KANSL1L: variants seen among roughly 807,000 people sequenced by gnomAD.
KANSL1L encodes the protein KAT8 regulatory NSL complex subunit 1-like protein.
A neutral mutation model predicts 108.6 loss-of-function variants in KANSL1L; 25 were observed. That is an observed-to-expected ratio of 0.23 (90% CI 0.17 to 0.32). The LOEUF (loss-of-function observed/expected upper bound fraction) is 0.32. Ranked by LOEUF, KANSL1L falls within the 10% of genes least tolerant of loss-of-function variation. The probability of loss-of-function intolerance (pLI) is 1.00; values close to 1 mark genes in which losing one functional copy is unlikely to be tolerated. For synonymous variants in KANSL1L, 405 were observed against 395.1 expected, an observed-to-expected ratio of 1.03 and a Z score of -0.30; for missense variants, 1,137 against 1,125.7, an observed-to-expected ratio of 1.01 and a Z score of -0.14.
chr2:210,136,459 AT>A (rs1302292149), intron 2 of KANSL1L, among the ~76,000 whole-genome samples: 1 of 152,186 alleles, frequency 6.6e-6, no homozygotes, highest in African/African-American at 2.4e-5. Context: ...ATAAGGACAT[AT>A]TTTTAAAAGG....
chr2:210,141,008 G>A (rs1380402096), intron 2 of KANSL1L, among the ~76,000 whole-genome samples: 1 of 151,904 alleles, frequency 6.6e-6, no homozygotes, highest in Non-Finnish European at 1.5e-5. Flanking sequence ...ACATTGTTTT[G>A]ATGGGGTCTT....
chr2:210,131,360 G>A (rs11893116), intron 2 of KANSL1L, among the ~76,000 whole-genome samples: 2,561 of 152,206 alleles, frequency 0.017, 79 homozygotes, highest in African/African-American at 0.059. Context: ...AAGTTGATAG[G>A]ACTTGCAGAA....
chr2:210,154,000 A>G lies in KANSL1L; in HGVS notation c.583T>C (p.Cys195Arg). The part of the protein sequence containing the change: ...DAEIKKGLLH[C>R]TQKKIVPGHS... ...CCAGGTACAATTTTCTTTTGAGTAC[A>G]GTGCAATAAACCCTTTTTAATCTCA... The change falls in exon 2 of 15, where the codon TGT becomes CGT. Residue 195 changes from cysteine (C) to arginine (R), a missense_variant. Physicochemically the swap from Cys to Arg is radical, Grantham distance 180. Coordinates refer to ENST00000281772, the MANE Select transcript of KANSL1L (RefSeq NM_152519.4). 4 of 1,613,920 alleles carry G rather than the reference A, an allele frequency of 2.5e-6. No homozygotes were observed. Among genetic ancestry groups the G allele is most frequent in the Non-Finnish European group, 3.4e-6 (4 of 1,180,022 alleles).
At chr2:210,058,762 G>A (rs1392715318) in intron 6 of KANSL1L, among the ~76,000 whole-genome samples, 10 of 151,684 alleles carry the variant, frequency 6.6e-5, no homozygotes, top group South Asian at 4.2e-4. Flanking sequence ...GTGTGAACCC[G>A]GGAGGCGCAA....
At chr2:210,150,268 C>T (rs577551555) in intron 2 of KANSL1L, among the ~76,000 whole-genome samples, 1 of 152,178 alleles carries the variant, frequency 6.6e-6, no homozygotes, top group Admixed American at 6.6e-5. Context: ...TTCCAGGTTA[C>T]TTTCCTTCAG....
intron 2 of KANSL1L, among the ~76,000 whole-genome samples, chr2:210,136,406 A>G (rs1200739811): frequency 6.6e-6 from 1 of 152,202 alleles, no homozygotes; most frequent in African/African-American, 2.4e-5. Context: ...AAATAGTCTT[A>G]AATATGTTTG....
chr2:210,032,357 A>G (rs2094030300), intron 8 of KANSL1L: 1 of 152,214 alleles, frequency 6.6e-6, no homozygotes, highest in South Asian at 2.1e-4. Context: ...CCACATTTGC[A>G]AGCAAAAAGT....
At chr2:210,103,282 G>A (rs1157424425) in intron 4 of KANSL1L, among the ~76,000 whole-genome samples, 1 of 146,778 alleles carries the variant, frequency 6.8e-6, no homozygotes, top group Non-Finnish European at 1.5e-5. Flanking sequence ...AGAACACTTG[G>A]ACACAGGAAG....
intron 2 of KANSL1L, among the ~76,000 whole-genome samples, chr2:210,143,993 A>G (rs1457460578): frequency 1.3e-5 from 2 of 152,020 alleles, no homozygotes; most frequent in East Asian, 3.9e-4. Context: ...TCCCTTTACC[A>G]TTTCTTGTAA....
chr2:210,150,382 T>A (rs559142062), intron 2 of KANSL1L, among the ~76,000 whole-genome samples: 39 of 152,336 alleles, frequency 2.6e-4, no homozygotes, highest in Non-Finnish European at 4.4e-4. Flanking sequence ...TCTGTATATG[T>A]TTTACACAAA....
At chr2:210,057,561 C>T (rs1246751931) in intron 6 of KANSL1L, among the ~76,000 whole-genome samples, 11 of 152,004 alleles carry the variant, frequency 7.2e-5, no homozygotes, top group African/African-American at 2.7e-4. Flanking sequence ...ATTAGCCGGG[C>T]GTGGTGGCAG....
intron 3 of KANSL1L, among the ~76,000 whole-genome samples, chr2:210,120,324 G>A (rs901833540): frequency 5.9e-5 from 9 of 152,158 alleles, no homozygotes; most frequent in African/African-American, 9.7e-5. Flanking sequence ...GCCAGGAGGC[G>A]GAGGTTGCAG....
At chr2:210,150,100 A>T (rs1178676311) in intron 2 of KANSL1L, among the ~76,000 whole-genome samples, 3 of 152,158 alleles carry the variant, frequency 2.0e-5, no homozygotes, top group Non-Finnish European at 4.4e-5. Flanking sequence ...CCAATAATGC[A>T]AGAGGCCAGA....
At chr2:210,089,932 A>G (rs2094677350) in intron 5 of KANSL1L, among the ~76,000 whole-genome samples, 1 of 151,386 alleles carries the variant, frequency 6.6e-6, no homozygotes, top group Admixed American at 6.6e-5. Context: ...GTCTTTAGTA[A>G]CAGCTGGCCT....
At chr2:210,106,830 T>G (rs993953238) in intron 3 of KANSL1L, among the ~76,000 whole-genome samples, 7 of 152,022 alleles carry the variant, frequency 4.6e-5, no homozygotes, top group Non-Finnish European at 8.8e-5. Context: ...ATCTGTTTTT[T>G]CCTCCATAAA....
At position 210,043,928 on chromosome 2, in the gene KANSL1L, A is replaced by G; in HGVS notation, c.1921+11T>C. On this transcript the variant is annotated intron_variant, in intron 7 of 14. Coordinates refer to ENST00000281772, the MANE Select transcript of KANSL1L (RefSeq NM_152519.4). ...ATATCGTTACTTAGAAATTGTTACA[A>G]GGAGGCTTACCTGATGGCAATGATA... The G allele has an allele frequency of 2.6e-6, 4 of 1,542,370 alleles. No individual in the cohort carries two copies. The highest frequency in any genetic ancestry group is 3.5e-6 in the Non-Finnish European group (4 of 1,139,436).
Position 210,024,099 on chromosome 2 carries a change from A to T in KANSL1L, c.2667T>A (p.Leu889=). 6.2e-7 allele frequency: 1 copy of T among 1,608,548 alleles called. No individual in the cohort carries two copies. Among genetic ancestry groups the T allele is most frequent in the Middle Eastern group, 1.7e-4 (1 of 6,050 alleles). ...CACACAGATCCTGGTTCTCTGAAGGAAGCCCAGGAGGACTTGCAGCAGCAC... is the reference window on the plus strand; with the variant it reads ...CACACAGATCCTGGTTCTCTGAAGGTAGCCCAGGAGGACTTGCAGCAGCAC... ...QQCAAASPPG[L]PSENQDLCAY... is the part of the protein sequence containing the mutation. The change falls in exon 14 of 15, where the codon CTT becomes CTA. Residue 889 remains leucine (L), a synonymous_variant. Transcript: ENST00000281772.
At chr2:210,100,599 T>C (rs2094784315) in intron 4 of KANSL1L, among the ~76,000 whole-genome samples, 1 of 152,174 alleles carries the variant, frequency 6.6e-6, no homozygotes, top group African/African-American at 2.4e-5. Flanking sequence ...GGGCTTGCCA[T>C]ACCTACCACT....
chr2:210,043,921 T>C lies in KANSL1L; in HGVS notation c.1921+18A>G. The C allele has an allele frequency of 6.7e-7, 1 of 1,498,504 alleles. No individual in the cohort carries two copies. Among genetic ancestry groups the C allele is most frequent in the South Asian group, 1.3e-5 (1 of 77,748 alleles). The allele number at this position is 1,498,504 out of a possible 1,614,324, so 92.8% of individuals were successfully genotyped here. On this transcript the variant is annotated intron_variant, in intron 7 of 14. Transcript: ENST00000281772. ...ACAGAAAATATCGTTACTTAGAAAT[T>C]GTTACAAGGAGGCTTACCTGATGGC...
Sources: allele counts gnomAD v4.1 joint callset (sites outside exome capture counted in the v4.1 genomes callset), GRCh38; gene constraint gnomAD v4.1.1; transcripts MANE v1.5; gene names NCBI Gene and HGNC (gene_info 2026-07-23, HGNC 2026-07-21).